The following TSPAN9 variants were observed in gnomAD, a reference collection of about 807,000 sequenced individuals.
TSPAN9 encodes the protein tetraspanin 9.
A neutral mutation model predicts 31.0 loss-of-function variants in TSPAN9; 16 were observed. The ratio of observed to expected loss-of-function variants is 0.52; its 90% CI spans 0.35 to 0.78. The LOEUF (loss-of-function observed/expected upper bound fraction) is 0.78, where lower values mean the gene tolerates loss of function less well. Ranked by LOEUF, TSPAN9 falls within the 30% of genes least tolerant of loss-of-function variation. The probability of loss-of-function intolerance (pLI) is 0.01; values close to 1 mark genes in which losing one functional copy is unlikely to be tolerated. For synonymous variants in TSPAN9, 145 were observed against 121.6 expected (o/e 1.19, Z -1.27); for missense variants, 272 against 312.5 (o/e 0.87, Z 0.98).
intron 3 of TSPAN9, among the ~76,000 whole-genome samples, chr12:3,202,114 C>T (rs12322691): frequency 7.7e-4 from 118 of 152,322 alleles, no homozygotes; most frequent in African/African-American, 1.8e-3. Flanking sequence ...GGAGGCTGTG[C>T]GCACATATGT....
intron 2 of TSPAN9, among the ~76,000 whole-genome samples, chr12:3,167,717 T>C (rs2098349293): frequency 6.6e-6 from 1 of 152,158 alleles, no homozygotes; most frequent in Admixed American, 6.5e-5. Flanking sequence ...GGTCTCCCGC[T>C]TGGGATCGGG....
Position 3,258,823 on chromosome 12 carries a change from C to T in TSPAN9, c.64-19598C>T, listed in dbSNP as rs78079941. On this transcript the variant is annotated intron_variant, in intron 3 of 8. Transcript: ENST00000011898. ...TTTATTGAAATCTCAATGCACAATG[C>T]GAATGTATTCATGGTCTCAGTGGAC... 1.0e-2 allele frequency among the ~76,000 whole-genome samples: 1,518 copies of T among 152,296 alleles called. 21 individuals are homozygous for T. The highest frequency in any genetic ancestry group is 0.034 in the African/African-American group (1,422 of 41,538).
intron 2 of TSPAN9, chr12:3,151,467 GC>G (rs2098339692): frequency 6.6e-6 from 1 of 152,176 alleles, no homozygotes; most frequent in African/African-American, 2.4e-5. Flanking sequence ...GGAGGGGCCG[GC>G]TGCCTGCCAC....
In TSPAN9 at chr12:3,147,997, TA is replaced by T. The variant is rs1686475314; in HGVS notation, c.-17-53179del. ...TTGGAGATTGAGTGGAGGGTCTGGA[TA>T]GGGGAGAAGGAGGAGAGAAGTCTCA... On this transcript the variant is annotated intron_variant, in intron 2 of 8. Transcript: ENST00000011898. The surrounding 1 kb of genome is among the most constrained non-coding windows in gnomAD (Gnocchi z 4.3). 6.6e-6 allele frequency among the ~76,000 whole-genome samples: 1 copy of T among 152,000 alleles called. No homozygotes were observed. The highest frequency in any genetic ancestry group is 2.1e-4 in the South Asian group (1 of 4,820).
chr12:3,094,650 C>T (rs2098306905), intron 2 of TSPAN9, among the ~76,000 whole-genome samples: 1 of 151,516 alleles, frequency 6.6e-6, no homozygotes, highest in Admixed American at 6.6e-5. Context: ...ATTCTCCTGC[C>T]TCAGCCTCCC....
intron 2 of TSPAN9, among the ~76,000 whole-genome samples, chr12:3,193,998 T>G (rs188860691): frequency 6.6e-6 from 1 of 152,364 alleles, no homozygotes; most frequent in Non-Finnish European, 1.5e-5. Flanking sequence ...GATAGCCTGC[T>G]TTCCAGGAAC....
Position 3,143,991 on chromosome 12 carries a change from A to G in TSPAN9, c.-17-57186A>G, listed in dbSNP as rs73050143. 0.096 allele frequency among the ~76,000 whole-genome samples: 14,560 copies of G among 152,240 alleles called. 917 individuals are homozygous for G. Among genetic ancestry groups the G allele is most frequent in the Middle Eastern group, 0.17 (50 of 294 alleles). On this transcript the variant is annotated intron_variant, in intron 2 of 8. Coordinates refer to ENST00000011898, the MANE Select transcript of TSPAN9 (RefSeq NM_006675.5). This position sits in a 1 kb window ranked among gnomAD's most constrained non-coding sequence, Gnocchi z 4.2. ...CAGAGAATAGAACTAAGAAATAGAT[A>G]TATGTCAACCCAGGCATGGACACAT...
chr12:3,078,184 G>A (rs1368691226), intron 1 of TSPAN9, among the ~76,000 whole-genome samples: 1 of 152,172 alleles, frequency 6.6e-6, no homozygotes, highest in Non-Finnish European at 1.5e-5. Context: ...GCTTGGGCTA[G>A]TATGGGATCC....
intron 2 of TSPAN9, among the ~76,000 whole-genome samples, chr12:3,118,718 C>T (rs1225226752): frequency 6.6e-6 from 1 of 152,180 alleles, no homozygotes; most frequent in Admixed American, 6.5e-5. Flanking sequence ...GTGGGTCTCT[C>T]CCACTCCCAG....
chr12:3,169,219 A>G (rs2098350360), intron 2 of TSPAN9, among the ~76,000 whole-genome samples: 1 of 142,932 alleles, frequency 7.0e-6, no homozygotes, highest in South Asian at 2.1e-4. Flanking sequence ...AACGCACCCA[A>G]CTCTGTTTCG....
intron 8 of TSPAN9, 132 bp downstream of exon 8, chr12:3,281,949 A>G (rs1256235211): frequency 9.8e-7 from 1 of 1,022,478 alleles, no homozygotes; most frequent in South Asian, 1.4e-5. Context: ...ATTCAAGCTT[A>G]GCAGCTGTGC....
intron 2 of TSPAN9, among the ~76,000 whole-genome samples, chr12:3,160,496 CT>C (rs2098344491): frequency 6.6e-6 from 1 of 152,136 alleles, no homozygotes; most frequent in Non-Finnish European, 1.5e-5. Context: ...CTATGTTTAA[CT>C]TTTTGAGGAA....
intron 2 of TSPAN9, among the ~76,000 whole-genome samples, chr12:3,136,135 A>C (rs1160758972): frequency 1.3e-5 from 2 of 152,208 alleles, no homozygotes; most frequent in African/African-American, 4.8e-5. Flanking sequence ...GGCATGCTGC[A>C]CATCAGCAGT....
intron 3 of TSPAN9, among the ~76,000 whole-genome samples, chr12:3,270,692 A>T (rs960710092): frequency 1.3e-5 from 2 of 152,208 alleles, no homozygotes; most frequent in African/African-American, 4.8e-5. Flanking sequence ...GTGACTGGGC[A>T]TTTATCCCAC....
At chr12:3,102,045 T>C (rs146770322) in intron 2 of TSPAN9, among the ~76,000 whole-genome samples, 1 of 152,336 alleles carries the variant, frequency 6.6e-6, no homozygotes, top group East Asian at 1.9e-4. Flanking sequence ...CTGCACATTG[T>C]AGAGGCTCAG....
chr12:3,178,767 A>G (rs540819780), intron 2 of TSPAN9, among the ~76,000 whole-genome samples: 12 of 152,306 alleles, frequency 7.9e-5, no homozygotes, highest in African/African-American at 2.2e-4. Context: ...GTGGGGGTAC[A>G]GGTGGGCCTC....
chr12:3,268,139 G>GCTGCAGCCTGCCCTCTCTGTGTTC (rs1565639125), intron 3 of TSPAN9, among the ~76,000 whole-genome samples: 4 of 138,654 alleles, frequency 2.9e-5, no homozygotes, highest in South Asian at 2.5e-4. Flanking sequence ...TTCCGTAGGT[G>GCTGCAGCCTGCCCTCTCTGTGTTC]CTGCAGCCTG....
intron 2 of TSPAN9, among the ~76,000 whole-genome samples, chr12:3,108,781 C>A (rs570995056): frequency 1.3e-5 from 2 of 152,146 alleles, no homozygotes; most frequent in South Asian, 4.2e-4. Flanking sequence ...GGCCTTCTAT[C>A]GGGGTTTTTA....
At chr12:3,203,791 A>C (rs2098373372) in intron 3 of TSPAN9, among the ~76,000 whole-genome samples, 1 of 152,194 alleles carries the variant, frequency 6.6e-6, no homozygotes, top group South Asian at 2.1e-4. Context: ...GCTTGTGTGT[A>C]AGAGTGTTTG....
Sources: gnomAD v4.1 joint callset for allele counts (sites outside exome capture counted in the v4.1 genomes callset) on GRCh38, gnomAD v4.1.1 for gene constraint, Gnocchi (gnomAD v3.1) non-coding constraint, MANE v1.5 for transcripts, NCBI Gene and HGNC (gene_info 2026-07-23, HGNC 2026-07-21) for gene names.